The following TUT4 variants were observed in gnomAD, a reference collection of about 807,000 sequenced individuals.
The protein encoded by TUT4 is terminal uridylyltransferase 4.
In TUT4, 36 loss-of-function variants were observed where a neutral mutation model predicts 192.2. The observed-to-expected ratio is 0.19, with a 90% CI of 0.14 to 0.25. TUT4 has a LOEUF of 0.25. Ranked by LOEUF, TUT4 falls within the 10% of genes least tolerant of loss-of-function variation. The pLI is 1.00. For synonymous variants in TUT4, 618 were observed against 666.0 expected, an observed-to-expected ratio of 0.93 and a Z score of 1.11; for missense variants, 1,493 against 1,957.2, an observed-to-expected ratio of 0.76 and a Z score of 4.47.
At chr1:52,515,543 C>A in intron 3 of TUT4, 1 of 370,178 alleles carries the variant, frequency 2.7e-6, no homozygotes, top group Non-Finnish European at 4.8e-6. Flanking sequence ...TAGCCATAAA[C>A]GACATGTAAA....
At position 52,516,039 on chromosome 1, in the gene TUT4, T is replaced by C. The variant is rs758626265; in HGVS notation, c.734A>G (p.Asp245Gly). 1 of 1,612,914 alleles carries C rather than the reference T, an allele frequency of 6.2e-7. No homozygotes were observed. The highest frequency in any genetic ancestry group is 1.7e-5 in the Admixed American group (1 of 59,928). ...TGAAGAATTTTCTTTATTAGATTCATCATTCTTCATTTTACCTAGAAAAGA... is the reference window on the plus strand; with the variant it reads ...TGAAGAATTTTCTTTATTAGATTCACCATTCTTCATTTTACCTAGAAAAGA... Reference protein sequence around the residue: ...VSDDLSKMKNDESNKENSSEM... With the variant: ...VSDDLSKMKNGESNKENSSEM... Residue 245 changes from aspartate (D) to glycine (G), a missense_variant, in exon 3 of 30, where the codon GAT becomes GGT. By Grantham distance (94) the Asp-to-Gly change is moderately conservative. Around this residue, in one of 7 missense-constraint regions of TUT4, gnomAD observed 437 missense variants for 577.6 expected, o/e 0.76. Transcript: ENST00000257177.
intron 16 of TUT4, chr1:52,463,800 G>T: frequency 7.7e-7 from 1 of 1,303,898 alleles, no homozygotes. Flanking sequence ...AAAGGAAAGC[G>T]TAAGTACCCA....
intron 15 of TUT4, among the ~76,000 whole-genome samples, 196 bp from the exon 16 acceptor site, chr1:52,465,369 C>T (rs367807358): frequency 5.9e-5 from 9 of 152,198 alleles, no homozygotes; most frequent in African/African-American, 2.2e-4. Context: ...CCCATGTACC[C>T]AACTGCTTTT....
intron 24 of TUT4, among the ~76,000 whole-genome samples, chr1:52,439,504 G>A (rs1557655082): frequency 1.3e-5 from 2 of 152,322 alleles, no homozygotes; most frequent in East Asian, 3.9e-4. Flanking sequence ...GGTCCTAACA[G>A]TGTCCATCCT....
Position 52,477,809 on chromosome 1 carries a change from G to A in TUT4, c.1922C>T (p.Thr641Ile), listed in dbSNP as rs376908433. The A allele has an allele frequency of 8.1e-6, 13 of 1,613,854 alleles. No individual in the cohort carries two copies. The highest frequency in any genetic ancestry group is 2.7e-5 in the African/African-American group (2 of 74,886). The change falls in exon 12 of 30, where the codon ACA becomes ATA. Residue 641 changes from threonine to isoleucine, a missense_variant. By Grantham distance (89) the Thr-to-Ile change is moderately conservative. Transcript: ENST00000257177. ...QLWLELLKFY[T>I]LDFALEEYVI... ...ATATTCCTCCAAAGCAAAATCCAGT[G>A]TGTAGAATTTAAGCAGCTCTAACCA...
chr1:52,539,149 A>C (rs1466091851), intron 1 of TUT4, among the ~76,000 whole-genome samples: 1 of 152,242 alleles, frequency 6.6e-6, no homozygotes, highest in Non-Finnish European at 1.5e-5. Flanking sequence ...AAAAAACTAA[A>C]GAAACATTAA....
At chr1:52,529,364 A>C (rs1202650587) in intron 1 of TUT4, among the ~76,000 whole-genome samples, 1 of 152,160 alleles carries the variant, frequency 6.6e-6, no homozygotes, top group Non-Finnish European at 1.5e-5. Context: ...TATTCTTGAT[A>C]AGGTGTTTTA....
At position 52,423,824 on chromosome 1, in the gene TUT4, G is replaced by A; in HGVS notation, c.*111C>T. 1 of 1,550,382 alleles carries A rather than the reference G, an allele frequency of 6.5e-7. No homozygotes were observed. The highest frequency in any genetic ancestry group is 1.4e-5 in the African/African-American group (1 of 73,184). Reference sequence around the variant, plus strand: ...TGATTTGTTTTGCTTTCCATTAAATGTCACTTTTTCTGCTGAATGTAACTG... The same window carrying A: ...TGATTTGTTTTGCTTTCCATTAAATATCACTTTTTCTGCTGAATGTAACTG... On this transcript the variant is annotated 3_prime_UTR_variant, in exon 30 of 30. Coordinates refer to ENST00000257177, the MANE Select transcript of TUT4 (RefSeq NM_001009881.3).
At chr1:52,487,280 T>C (rs1670029452) in intron 9 of TUT4, among the ~76,000 whole-genome samples, 1 of 151,836 alleles carries the variant, frequency 6.6e-6, no homozygotes, top group Non-Finnish European at 1.5e-5. Flanking sequence ...AACCCATCTC[T>C]ACAAAAATAA....
intron 28 of TUT4, 21 bp from the exon 29 acceptor site, chr1:52,425,528 A>G: frequency 6.3e-6 from 10 of 1,598,488 alleles, no homozygotes; most frequent in Non-Finnish European, 6.0e-6. Context: ...ACAAGAGGGA[A>G]AAAGACATTT....
intron 25 of TUT4, chr1:52,437,280 TA>T (rs1305309877): frequency 4.0e-6 from 1 of 247,502 alleles, no homozygotes; most frequent in African/African-American, 2.3e-5. Flanking sequence ...TTAGAGAAGA[TA>T]AGTGTCTTGA....
At chr1:52,450,664 TATC>T (rs533523065) in intron 20 of TUT4, among the ~76,000 whole-genome samples, 4 of 152,166 alleles carry the variant, frequency 2.6e-5, no homozygotes, top group Non-Finnish European at 5.9e-5. Flanking sequence ...ACTGAAATAT[TATC>T]ATTATTACAT....
At chr1:52,472,552 AAATT>A (rs1178317497) in intron 13 of TUT4, among the ~76,000 whole-genome samples, 17 of 150,588 alleles carry the variant, frequency 1.1e-4, no homozygotes, top group Admixed American at 5.9e-4. Flanking sequence ...TTAAATTAAT[AAATT>A]AATTAAACTA....
intron 27 of TUT4, chr1:52,435,108 C>T: frequency 3.9e-6 from 1 of 255,520 alleles, no homozygotes; most frequent in Non-Finnish European, 7.4e-6. Flanking sequence ...ATTTTTAATC[C>T]ATCTTATTAG....
chr1:52,491,070 A>C (rs531554079), intron 7 of TUT4, among the ~76,000 whole-genome samples: 73 of 152,332 alleles, frequency 4.8e-4, no homozygotes, highest in African/African-American at 1.4e-3. Flanking sequence ...AAAAGTTTTA[A>C]TATTTCCAAG....
chr1:52,459,750 A>G (rs972534835), intron 19 of TUT4, among the ~76,000 whole-genome samples: 4 of 151,954 alleles, frequency 2.6e-5, no homozygotes, highest in African/African-American at 9.7e-5. Context: ...GCGTGGTAGC[A>G]GGCACCTGTA....
intron 1 of TUT4, 87 bp from the exon 2 acceptor site, chr1:52,526,460 A>C: frequency 2.2e-6 from 1 of 450,584 alleles, no homozygotes; most frequent in Admixed American, 4.7e-5. Context: ...CAATTTTTTA[A>C]ACTTGTTCTA....
chr1:52,440,433 GTTTTTTTTT>G (rs908687717), intron 24 of TUT4, among the ~76,000 whole-genome samples: 2 of 110,186 alleles, frequency 1.8e-5, no homozygotes, highest in Admixed American at 1.9e-4. Flanking sequence ...CCCATCCTGT[GTTTTTTTTT>G]TTTTTTTTTT....
intron 12 of TUT4, among the ~76,000 whole-genome samples, chr1:52,475,884 C>T (rs1029762701): frequency 6.6e-6 from 1 of 151,810 alleles, no homozygotes; most frequent in Non-Finnish European, 1.5e-5. Flanking sequence ...TTGCTCTGTC[C>T]CCCAAGCTGG....
Sources: allele counts gnomAD v4.1 joint callset (sites outside exome capture counted in the v4.1 genomes callset), GRCh38; gene constraint gnomAD v4.1.1; regional missense constraint gnomAD v4.1.1; transcripts MANE v1.5; gene names NCBI Gene and HGNC (gene_info 2026-07-23, HGNC 2026-07-21).